ZNF587B: variants seen among roughly 807,000 people sequenced by gnomAD.
The protein encoded by ZNF587B is zinc finger protein 587B.
ZNF587B carries 6 observed loss-of-function variants against 7.2 expected under a neutral mutation model. The observed-to-expected ratio is 0.83, with a 90% CI of 0.46 to 1.65. ZNF587B has a LOEUF of 1.65. Among genes scored for constraint, ZNF587B ranks in the 40% most tolerant of loss-of-function variants. The probability of loss-of-function intolerance (pLI) is 0.01; values close to 1 mark genes in which losing one functional copy is unlikely to be tolerated. For missense variants in ZNF587B, 749 were observed against 761.0 expected, an observed-to-expected ratio of 0.98 and a Z score of 0.19; for synonymous variants, 274 against 254.3, an observed-to-expected ratio of 1.08 and a Z score of -0.74.
In ZNF587B at chr19:57,844,725, C is replaced by G. The variant is rs939106692; in HGVS notation, c.*2149C>G. The G allele has an allele frequency of 1.3e-5, 2 of 152,274 alleles. No individual in the cohort carries two copies. Among genetic ancestry groups the G allele is most frequent in the South Asian group, 4.1e-4 (2 of 4,834 alleles). 9.4% of individuals were successfully genotyped at this position (152,274 alleles called of 1,614,324 possible). On this transcript the variant is annotated 3_prime_UTR_variant, in exon 3 of 3. Transcript: ENST00000594901. ...GGGTTTTTTATTTTAGTGTCAATATCACACTGAAAGATTGGTGATTTTTTT... is the reference window on the plus strand; with the variant it reads ...GGGTTTTTTATTTTAGTGTCAATATGACACTGAAAGATTGGTGATTTTTTT...
rs771371494 is a variant in ZNF587B, at chr19:57,843,600, GT to G, written c.*1044del. 34,794 of 639,990 alleles carry G rather than the reference GT, an allele frequency of 0.054. 1 individual carries two copies. Among genetic ancestry groups the G allele is most frequent in the Middle Eastern group, 0.081 (101 of 1,240 alleles). 39.6% of individuals were successfully genotyped at this position (639,990 alleles called of 1,614,324 possible). A position where few individuals can be genotyped will look rare whatever the true frequency, so the allele number is the denominator to read the frequency against. On this transcript the variant is annotated 3_prime_UTR_variant, in exon 3 of 3. Transcript: ENST00000594901. Reference sequence around the variant, plus strand: ...GTTGGTTGGTTGGTTGTTTTTTTTTGTTTTTTTTTTTTTTTTTTTTGGAGAC... The same window carrying G: ...GTTGGTTGGTTGGTTGTTTTTTTTTGTTTTTTTTTTTTTTTTTTTGGAGAC...
chr19:57,832,295 C>T (rs1568497311), intron 1 of ZNF587B, among the ~76,000 whole-genome samples: 1 of 152,074 alleles, frequency 6.6e-6, no homozygotes, highest in Non-Finnish European at 1.5e-5. Flanking sequence ...CCATGTTGGC[C>T]AGAATGGTCT....
rs1174033662 is a variant in ZNF587B at position 57,830,479 on chromosome 19, C to T, written c.-50C>T. ...GATAGGGACCGTCATGCCCATATCT[C>T]CTGGCTGGTCACCCTCTCCTCCCAA... On this transcript the variant is annotated 5_prime_UTR_variant, in exon 1 of 3. Transcript: ENST00000594901. 1.3e-6 allele frequency: 2 copies of T among 1,546,630 alleles called. No homozygotes were observed. The highest frequency in any genetic ancestry group is 3.9e-5 in the Admixed American group (2 of 50,988).
At chr19:57,831,878 G>C (rs2122202345) in intron 1 of ZNF587B, among the ~76,000 whole-genome samples, 1 of 151,406 alleles carries the variant, frequency 6.6e-6, no homozygotes, top group Non-Finnish European at 1.5e-5. Flanking sequence ...CTAATTTTTT[G>C]TATTTTTAGT....
At position 57,841,432 on chromosome 19, in the gene ZNF587B, A is replaced by G. The variant is rs1988842550; in HGVS notation, c.758A>G (p.Lys253Arg). ...VCCECGKSFS[K>R]YVSFSNHQRV... is the part of the protein sequence containing the mutation. ...TGTGAATGTGGGAAATCCTTTAGCA[A>G]ATATGTTAGCTTCAGTAATCATCAG... The change falls in exon 3 of 3, where the codon AAA (lysine) becomes AGA (arginine). Residue 253 changes from lysine to arginine, a missense_variant. Lys to Arg is a conservative substitution (Grantham distance 26). Around this residue, in one of 3 missense-constraint regions of ZNF587B, gnomAD observed 656 missense variants for 596.5 expected, o/e 1.10. Transcript: ENST00000594901. 1.3e-6 allele frequency: 2 copies of G among 1,584,978 alleles called. No homozygotes were observed. The highest frequency in any genetic ancestry group is 3.3e-4 in the Middle Eastern group (2 of 6,034).
rs139311960 is a variant in ZNF587B at position 57,843,081 on chromosome 19, C to T, written c.*505C>T. ...TGCGATCGTAGCTCACTGCATCCTC[C>T]GCCCCCTAGGCTCAAGTGATCTTCC... On this transcript the variant is annotated 3_prime_UTR_variant, in exon 3 of 3. Coordinates refer to ENST00000594901, the MANE Select transcript of ZNF587B (RefSeq NM_001376223.1). 4.1e-4 allele frequency: 306 copies of T among 755,220 alleles called. 1 individual carries two copies. The African/African-American group carries it at 5.1e-3, about 13-fold the overall frequency. 46.8% of individuals were successfully genotyped at this position (755,220 alleles called of 1,614,324 possible). A position where few individuals can be genotyped will look rare whatever the true frequency, so the allele number is the denominator to read the frequency against.
At position 57,842,031 on chromosome 19, in the gene ZNF587B, C is replaced by G. The variant is rs993188797; in HGVS notation, c.1357C>G (p.Leu453Val). The G allele has an allele frequency of 2.5e-6, 4 of 1,594,074 alleles. No individual in the cohort carries two copies. The highest frequency in any genetic ancestry group is 1.7e-6 in the Non-Finnish European group (2 of 1,170,130). ...GAAATGTTTTAGTCACAAGGGTAAC[C>G]TCATTCTACACCAGCATGGCCATAC... is the stretch of plus-strand genomic sequence containing the variant. ...CGKCFSHKGN[L>V]ILHQHGHTRK... The change falls in exon 3 of 3, where the codon CTC becomes GTC. Residue 453 changes from leucine (L) to valine (V), a missense_variant. Around this residue, in one of 3 missense-constraint regions of ZNF587B, gnomAD observed 656 missense variants for 596.5 expected, o/e 1.10. Coordinates refer to ENST00000594901, the MANE Select transcript of ZNF587B (RefSeq NM_001376223.1).
In ZNF587B at chr19:57,843,587, G is replaced by GTTTTTTTTTTGT. The variant is rs1324065807; in HGVS notation, c.*1013_*1014insTTTTTTTTGTTT. On this transcript the variant is annotated 3_prime_UTR_variant, in exon 3 of 3. Coordinates refer to ENST00000594901, the MANE Select transcript of ZNF587B (RefSeq NM_001376223.1). Reference sequence around the variant, plus strand: ...GTTTGGTTGGTTGGTTGGTTGGTTGGTTGTTTTTTTTTGTTTTTTTTTTTT... The same window carrying GTTTTTTTTTTGT: ...GTTTGGTTGGTTGGTTGGTTGGTTGGTTTTTTTTTTGTTTGTTTTTTTTTGTTTTTTTTTTTT... The GTTTTTTTTTTGT allele has an allele frequency of 1.4e-6, 1 of 738,198 alleles. No individual in the cohort carries two copies. The highest frequency in any genetic ancestry group is 8.7e-5 in the Admixed American group (1 of 11,536). 45.7% of individuals were successfully genotyped at this position (738,198 alleles called of 1,614,324 possible).
At position 57,843,153 on chromosome 19, in the gene ZNF587B, C is replaced by A; in HGVS notation, c.*577C>A. 1.7e-6 allele frequency: 1 copy of A among 572,450 alleles called. No homozygotes were observed. The highest frequency in any genetic ancestry group is 2.2e-6 in the Non-Finnish European group (1 of 453,342). The allele number at this position is 572,450 out of a possible 1,614,324, so 35.5% of individuals were successfully genotyped here. A position where few individuals can be genotyped will look rare whatever the true frequency, so the allele number is the denominator to read the frequency against. ...GGGTCCACAGGCATGCACCACCATG[C>A]CTGGCTATTTTCTCATATTAGTAGA... On this transcript the variant is annotated 3_prime_UTR_variant, in exon 3 of 3. Transcript: ENST00000594901.
At chr19:57,836,906 T>A (rs960020738) in intron 1 of ZNF587B, among the ~76,000 whole-genome samples, 2 of 142,788 alleles carry the variant, frequency 1.4e-5, no homozygotes, top group Non-Finnish European at 3.0e-5. Context: ...GAGGTTGCAG[T>A]GAGCTGAGAT....
intron 2 of ZNF587B, among the ~76,000 whole-genome samples, chr19:57,840,375 T>G (rs1207882262): frequency 6.6e-6 from 1 of 152,108 alleles, no homozygotes; most frequent in Non-Finnish European, 1.5e-5. Context: ...ACCCCAAATC[T>G]CATCCATTTT....
rs1285342314 is a variant in ZNF587B at position 57,830,349 on chromosome 19, A to G, written c.-180A>G. 1.6e-6 allele frequency: 1 copy of G among 621,024 alleles called. No homozygotes were observed. The highest frequency in any genetic ancestry group is 1.8e-5 in the African/African-American group (1 of 54,272). The allele number at this position is 621,024 out of a possible 1,614,324, so 38.5% of individuals were successfully genotyped here. The stretch of plus-strand genomic sequence containing the variant: ...AGAGGCTCCTGAGCGCTAGGTCGGC[A>G]CTGCGGTGACTGAACCCAGAAGGCG... On this transcript the variant is annotated 5_prime_UTR_variant, in exon 1 of 3. Transcript: ENST00000594901.
At position 57,845,479 on chromosome 19, in the gene ZNF587B, C is replaced by G. The variant is rs1989028330; in HGVS notation, c.*2903C>G. ...CACCTTAAGGTAACTCCTGTATTAACAGGAGGAACAGAATAGGGAAAAAGA... is the reference window on the plus strand; with the variant it reads ...CACCTTAAGGTAACTCCTGTATTAAGAGGAGGAACAGAATAGGGAAAAAGA... On this transcript the variant is annotated 3_prime_UTR_variant, in exon 3 of 3. Transcript: ENST00000594901. 6.6e-6 allele frequency: 1 copy of G among 152,118 alleles called. No individual in the cohort carries two copies. Among genetic ancestry groups the G allele is most frequent in the Admixed American group, 6.5e-5 (1 of 15,270 alleles). 9.4% of individuals were successfully genotyped at this position (152,118 alleles called of 1,614,324 possible).
At chr19:57,835,923 A>C (rs1389443946) in intron 1 of ZNF587B, among the ~76,000 whole-genome samples, 7 of 151,290 alleles carry the variant, frequency 4.6e-5, no homozygotes, top group African/African-American at 1.7e-4. Flanking sequence ...CTTCATAATA[A>C]GGTAGTAAAT....
In ZNF587B at chr19:57,845,905, T is replaced by G. The variant is rs550947399; in HGVS notation, c.*3329T>G. On this transcript the variant is annotated 3_prime_UTR_variant, in exon 3 of 3. Transcript: ENST00000594901. ...ATTGCTTGAGCCTGGGAGGCAGAAG[T>G]TGCAGTGAGCTAAGATTGCAACGCT... 1 of 152,254 alleles carries G rather than the reference T, an allele frequency of 6.6e-6. No homozygotes were observed. The highest frequency in any genetic ancestry group is 1.9e-4 in the East Asian group (1 of 5,180). The allele number at this position is 152,254 out of a possible 1,614,324, so 9.4% of individuals were successfully genotyped here. A position where few individuals can be genotyped will look rare whatever the true frequency, so the allele number is the denominator to read the frequency against.
At chr19:57,830,750 G>A (rs1036073187) in intron 1 of ZNF587B, among the ~76,000 whole-genome samples, 186 bp downstream of exon 1, 4 of 148,296 alleles carry the variant, frequency 2.7e-5, no homozygotes, top group African/African-American at 1.0e-4. Context: ...CACTGTACCT[G>A]AGCGAGTTAG....
chr19:57,841,286 G>T lies in ZNF587B; in HGVS notation c.612G>T (p.Val204=). 2 of 1,614,102 alleles carry T rather than the reference G, an allele frequency of 1.2e-6. No homozygotes were observed. The highest frequency in any genetic ancestry group is 1.7e-6 in the Non-Finnish European group (2 of 1,180,026). Residue 204 remains valine (V), a synonymous_variant, in exon 3 of 3, where the codon GTG becomes GTT. Coordinates refer to ENST00000594901, the MANE Select transcript of ZNF587B (RefSeq NM_001376223.1). ...AGTCAAACAGCAAAACTGAGTGTGT[G>T]TCTCCCTTTCAGTGTGGGGGAGCTC... The part of the protein sequence containing the change: ...GEKSNSKTEC[V]SPFQCGGAHY...
intron 1 of ZNF587B, among the ~76,000 whole-genome samples, chr19:57,836,410 A>G (rs1988604062): frequency 1.3e-5 from 2 of 152,222 alleles, no homozygotes; most frequent in African/African-American, 4.8e-5. Context: ...CCAAAAATTA[A>G]GGCCCAGTGT....
chr19:57,836,466 G>T (rs1014724691), intron 1 of ZNF587B, among the ~76,000 whole-genome samples: 3 of 152,132 alleles, frequency 2.0e-5, no homozygotes, highest in African/African-American at 7.2e-5. Flanking sequence ...ACCACAAATG[G>T]CTGAGTGCAA....
Sources: allele counts gnomAD v4.1 joint callset (sites outside exome capture counted in the v4.1 genomes callset), GRCh38; gene constraint gnomAD v4.1.1; regional missense constraint gnomAD v4.1.1; transcripts MANE v1.5; gene names NCBI Gene and HGNC (gene_info 2026-07-23, HGNC 2026-07-21).